DCHS2: variants seen among roughly 807,000 people sequenced by gnomAD.
The protein encoded by DCHS2 is dachsous cadherin-related 2.
Under a neutral mutation model 182.4 loss-of-function variants are expected in DCHS2, and 142 were observed. The ratio of observed to expected loss-of-function variants is 0.78; its 90% CI spans 0.68 to 0.89. The LOEUF is 0.89. Among genes scored for constraint, DCHS2 ranks in the 40% least tolerant of loss-of-function variants. DCHS2 has a pLI of 0.00. For synonymous variants in DCHS2, 1,740 were observed against 1,663.3 expected (o/e 1.05, Z -1.12); for missense variants, 4,319 against 4,198.6 (o/e 1.03, Z -0.79).
intron 2 of DCHS2, among the ~76,000 whole-genome samples, chr4:154,374,856 A>G (rs1730814760): frequency 6.6e-6 from 1 of 151,610 alleles, no homozygotes; most frequent in South Asian, 2.1e-4. Context: ...AAAGTCTCCA[A>G]AATGAAATAA....
At chr4:154,295,453 C>T (rs1425404116) in intron 13 of DCHS2, among the ~76,000 whole-genome samples, 1 of 152,206 alleles carries the variant, frequency 6.6e-6, no homozygotes, top group Non-Finnish European at 1.5e-5. Flanking sequence ...AACATTCATA[C>T]ATTCCAAAGC....
intron 1 of DCHS2, among the ~76,000 whole-genome samples, chr4:154,382,015 C>T (rs1044753270): frequency 1.3e-5 from 2 of 152,108 alleles, no homozygotes; most frequent in Non-Finnish European, 2.9e-5. Flanking sequence ...GGAGGCATCA[C>T]ATTATCCAAC....
At chr4:154,282,215 A>G (rs1464438931) in intron 13 of DCHS2, among the ~76,000 whole-genome samples, 1 of 152,090 alleles carries the variant, frequency 6.6e-6, no homozygotes, top group Non-Finnish European at 1.5e-5. Flanking sequence ...TTCACAGCAC[A>G]GGAAACAATG....
At chr4:154,450,849 T>C (rs1734502859) in intron 1 of DCHS2, among the ~76,000 whole-genome samples, 1 of 151,404 alleles carries the variant, frequency 6.6e-6, no homozygotes, top group Non-Finnish European at 1.5e-5. Context: ...GAAAAAAAAA[T>C]TTAGGCGGCT....
chr4:154,234,383 A>T lies in DCHS2; in HGVS notation c.*153T>A. On this transcript the variant is annotated 3_prime_UTR_variant, in exon 20 of 20. Coordinates refer to ENST00000357232, the MANE Select transcript of DCHS2 (RefSeq NM_001358235.2). ...TTTCATTAAGGCTGGAAGAAATTGG[A>T]GAAACTTTAATGGGGAAGTTTTAAA... The T allele has an allele frequency of 9.1e-7, 1 of 1,100,054 alleles. No individual in the cohort carries two copies. The highest frequency in any genetic ancestry group is 1.2e-6 in the Non-Finnish European group (1 of 802,424). The allele number at this position is 1,100,054 out of a possible 1,614,324, so 68.1% of individuals were successfully genotyped here.
rs1476970484 is a variant in DCHS2 at position 154,490,719 on chromosome 4, G to A, written c.637C>T (p.Pro213Ser). The change falls in exon 1 of 20, where the codon CCC (proline) becomes TCC (serine). Residue 213 changes from proline (P) to serine (S), a missense_variant. By Grantham distance (74) the Pro-to-Ser change is moderately conservative. Transcript: ENST00000357232. ...GYTLVQPSDL[P>S]KDPAGPFFQL... ...AAGAACGGGCCTGCGGGGTCCTTGG[G>A]CAGGTCGGACGGTTGCACCAGGGTG... 2 of 1,551,616 alleles carry A rather than the reference G, an allele frequency of 1.3e-6. No individual in the cohort carries two copies. Among genetic ancestry groups the A allele is most frequent in the East Asian group, 4.9e-5 (2 of 40,896 alleles).
intron 13 of DCHS2, among the ~76,000 whole-genome samples, chr4:154,290,201 A>C (rs1734589860): frequency 6.6e-6 from 1 of 152,118 alleles, no homozygotes; most frequent in African/African-American, 2.4e-5. Context: ...AATAGCTACA[A>C]ATAAAATAAA....
chr4:154,236,785 G>C lies in DCHS2; in HGVS notation c.7867C>G (p.Leu2623Val), dbSNP rs747583481. 6.2e-7 allele frequency: 1 copy of C among 1,614,000 alleles called. No individual in the cohort carries two copies. The highest frequency in any genetic ancestry group is 8.5e-7 in the Non-Finnish European group (1 of 1,179,964). The change falls in exon 20 of 20, where the codon CTG becomes GTG. Residue 2623 changes from leucine (L) to valine (V), a missense_variant. Coordinates refer to ENST00000357232, the MANE Select transcript of DCHS2 (RefSeq NM_001358235.2). ...QVGYLVLLHS[L>V]DREASASHEL... ...TGGCTAGCACTTGCTTCTCTGTCCA[G>C]ACTGTGAAGCAACACAAGATAACCG...
chr4:154,363,116 T>C (rs191315635), intron 3 of DCHS2, among the ~76,000 whole-genome samples: 5 of 152,262 alleles, frequency 3.3e-5, no homozygotes, highest in Admixed American at 1.3e-4. Context: ...CATCCTTGTA[T>C]AGAAAATGTG....
intron 13 of DCHS2, among the ~76,000 whole-genome samples, chr4:154,293,876 C>CCACA (rs1734786901): frequency 6.6e-6 from 1 of 152,200 alleles, no homozygotes; most frequent in Non-Finnish European, 1.5e-5. Flanking sequence ...GGTCAACTCA[C>CCACA]CACACCCTGT....
intron 4 of DCHS2, 128 bp downstream of exon 4, chr4:154,334,740 T>G (rs1728705317): frequency 1.4e-6 from 1 of 715,850 alleles, no homozygotes; most frequent in African/African-American, 1.8e-5. Flanking sequence ...AGCCACAGTT[T>G]GTGTTATCTC....
At chr4:154,389,121 T>C (rs1579037457) in intron 1 of DCHS2, among the ~76,000 whole-genome samples, 1 of 152,290 alleles carries the variant, frequency 6.6e-6, no homozygotes, top group East Asian at 1.9e-4. Context: ...AATAAGTAAA[T>C]GAATGGCTGT....
At chr4:154,477,777 A>T (rs1383541158) in intron 1 of DCHS2, among the ~76,000 whole-genome samples, 1 of 152,230 alleles carries the variant, frequency 6.6e-6, no homozygotes, top group African/African-American at 2.4e-5. Context: ...TGTCTTTGGC[A>T]TTCAAAACTT....
chr4:154,430,878 C>T (rs1278410271), intron 1 of DCHS2, among the ~76,000 whole-genome samples: 2 of 152,162 alleles, frequency 1.3e-5, no homozygotes, highest in Non-Finnish European at 2.9e-5. Flanking sequence ...AATCAAGTGT[C>T]CACACGTGCA....
chr4:154,351,100 C>T lies in DCHS2; in HGVS notation c.2476+15110G>A, dbSNP rs561124586. Among the ~76,000 whole-genome samples the T allele has an allele frequency of 5.7e-4, 87 of 152,174 alleles. 1 individual carries two copies. The South Asian group carries it at 0.016, about 29-fold the overall frequency. On this transcript the variant is annotated intron_variant, in intron 3 of 19. Coordinates refer to ENST00000357232, the MANE Select transcript of DCHS2 (RefSeq NM_001358235.2). ...TTCATTTAGACAATGGCATTTGTGA[C>T]GGATTTGTCTTATGTTCAGCATGAC...
intron 2 of DCHS2, 31 bp from the exon 3 acceptor site, chr4:154,366,472 G>A (rs751656151): frequency 2.7e-6 from 4 of 1,497,642 alleles, no homozygotes; most frequent in Non-Finnish European, 3.7e-6. Context: ...GATTACAAAT[G>A]GGTTTTTGCT....
chr4:154,285,823 A>G (rs751265447), intron 13 of DCHS2, among the ~76,000 whole-genome samples: 1 of 152,040 alleles, frequency 6.6e-6, no homozygotes, highest in African/African-American at 2.4e-5. Flanking sequence ...GAAAGGACAC[A>G]AGCTCGGCTG....
chr4:154,249,963 A>T (rs1578856565), intron 16 of DCHS2, among the ~76,000 whole-genome samples: 1 of 152,134 alleles, frequency 6.6e-6, no homozygotes, highest in African/African-American at 2.4e-5. Flanking sequence ...AGTACAACAC[A>T]CCTATGTAAC....
At chr4:154,369,531 G>A (rs1730542025) in intron 2 of DCHS2, among the ~76,000 whole-genome samples, 2 of 152,142 alleles carry the variant, frequency 1.3e-5, no homozygotes, top group South Asian at 2.1e-4. Context: ...AAACTGTTTC[G>A]ATAATGCAAC....
Sources: allele counts gnomAD v4.1 joint callset (sites outside exome capture counted in the v4.1 genomes callset), GRCh38; gene constraint gnomAD v4.1.1; transcripts MANE v1.5; gene names NCBI Gene and HGNC (gene_info 2026-07-23, HGNC 2026-07-21).